Variants in SSR1 observed in about 807,000 individuals in gnomAD.
The protein encoded by SSR1 is signal sequence receptor subunit 1.
In SSR1, 13 loss-of-function variants were observed where a neutral mutation model predicts 36.1. The ratio of observed to expected loss-of-function variants is 0.36; its 90% confidence interval spans 0.23 to 0.57. The LOEUF (loss-of-function observed/expected upper bound fraction) is 0.57, where lower values mean the gene tolerates loss of function less well. Ranked by LOEUF, SSR1 falls within the 20% of genes least tolerant of loss-of-function variation. The pLI, the probability that SSR1 is intolerant of heterozygous loss-of-function variation, is 0.81. For missense variants in SSR1, 291 were observed against 338.5 expected (o/e 0.86, Z 1.10); for synonymous variants, 113 against 118.9 (o/e 0.95, Z 0.32).
chr6:7,291,946 G>A (rs1271187921), intron 7 of SSR1, among the ~76,000 whole-genome samples: 1 of 152,084 alleles, frequency 6.6e-6, no homozygotes, highest in African/African-American at 2.4e-5. Flanking sequence ...GGTGGTGTGC[G>A]TCTGTAGTCC....
In SSR1 at chr6:7,313,140, C is replaced by A; in HGVS notation, c.-20G>T. 1 of 1,594,924 alleles carries A rather than the reference C, an allele frequency of 6.3e-7. No homozygotes were observed. The highest frequency in any genetic ancestry group is 1.1e-5 in the South Asian group (1 of 88,806). On this transcript the variant is annotated 5_prime_UTR_variant, in exon 1 of 8. Coordinates refer to ENST00000244763, the MANE Select transcript of SSR1 (RefSeq NM_003144.5). Reference sequence around the variant, plus strand: ...TCTCATGGCGCTGCCGGTCCAGTGTCCAGTTTCCGTCGGCTAAGGCTCTCG... The same window carrying A: ...TCTCATGGCGCTGCCGGTCCAGTGTACAGTTTCCGTCGGCTAAGGCTCTCG...
intron 5 of SSR1, chr6:7,298,496 AG>A (rs893507118): frequency 4.7e-6 from 2 of 426,558 alleles, no homozygotes; most frequent in African/African-American, 2.0e-5. Flanking sequence ...TAGAAAATTT[AG>A]ATGAGAGGAA....
At chr6:7,304,921 A>AAG (rs1223487142) in intron 2 of SSR1, among the ~76,000 whole-genome samples, 2 of 152,322 alleles carry the variant, frequency 1.3e-5, no homozygotes, top group African/African-American at 4.8e-5. Flanking sequence ...TCATGCACTT[A>AAG]AGAGAGAGTG....
intron 6 of SSR1, 75 bp downstream of exon 6, chr6:7,297,848 G>A (rs779667414): frequency 4.1e-5 from 47 of 1,155,516 alleles, no homozygotes; most frequent in Non-Finnish European, 5.2e-5. Context: ...GTATGAGGCC[G>A]AAGAACTAGA....
chr6:7,294,198 T>C (rs1282936018), intron 7 of SSR1, among the ~76,000 whole-genome samples: 1 of 148,232 alleles, frequency 6.7e-6, no homozygotes, highest in Non-Finnish European at 1.5e-5. Flanking sequence ...CATATATATA[T>C]AAAATAATAT....
At chr6:7,306,389 C>T (rs1002680908) in intron 2 of SSR1, among the ~76,000 whole-genome samples, 1 of 151,842 alleles carries the variant, frequency 6.6e-6, no homozygotes, top group Non-Finnish European at 1.5e-5. Context: ...GTGATCCACC[C>T]GCCTCAGCCT....
At chr6:7,291,751 C>A (rs1457581542) in intron 7 of SSR1, among the ~76,000 whole-genome samples, 1 of 152,180 alleles carries the variant, frequency 6.6e-6, no homozygotes, top group Non-Finnish European at 1.5e-5. Context: ...TAGGATTTAA[C>A]AGCCATCTGT....
rs113711924 is a variant in SSR1 at position 7,301,521 on chromosome 6, C to T, written c.332G>A (p.Gly111Asp). The change falls in exon 4 of 8, where the codon GGT (glycine) becomes GAT (aspartate). Residue 111 changes from glycine (G) to aspartate (D), a missense_variant. Transcript: ENST00000244763. ...GGATTCAACAATAAAATCTTCTGTA[C>T]CCTTGTTGGTAAAGCCTACCAGGAA... ...VKFLVGFTNK[G>D]TEDFIVESLD... The T allele has an allele frequency of 9.4e-5, 152 of 1,613,936 alleles. No individual in the cohort carries two copies. The highest frequency in any genetic ancestry group is 1.6e-4 in the Middle Eastern group (1 of 6,062).
At chr6:7,309,848 T>A (rs1443855784) in intron 2 of SSR1, 69 bp downstream of exon 2, 2 of 1,255,912 alleles carry the variant, frequency 1.6e-6, no homozygotes, top group Non-Finnish European at 1.2e-6. Flanking sequence ...ATGTCTTTAT[T>A]AGCAGCATGA....
chr6:7,284,636 A>G lies in SSR1; in HGVS notation c.*5228T>C, dbSNP rs535759689. On this transcript the variant is annotated 3_prime_UTR_variant, in exon 8 of 8. Coordinates refer to ENST00000244763, the MANE Select transcript of SSR1 (RefSeq NM_003144.5). ...ACAACCTTAGGAGGCAGGAACCAAAAGCTGAAGCATCATACAACTTGCCTC... is the reference window on the plus strand; with the variant it reads ...ACAACCTTAGGAGGCAGGAACCAAAGGCTGAAGCATCATACAACTTGCCTC... The G allele has an allele frequency of 2.0e-5, 3 of 152,184 alleles. No homozygotes were observed. Among genetic ancestry groups the G allele is most frequent in the Non-Finnish European group, 2.9e-5 (2 of 68,002 alleles). 9.4% of individuals were successfully genotyped at this position (152,184 alleles called of 1,614,324 possible).
intron 4 of SSR1, among the ~76,000 whole-genome samples, chr6:7,301,014 G>A (rs899853266): frequency 4.6e-5 from 7 of 152,058 alleles, no homozygotes; most frequent in Non-Finnish European, 7.4e-5. Context: ...ATTAAGATCC[G>A]GCTCATAGCT....
chr6:7,297,064 T>TA lies in SSR1; in HGVS notation c.699+858dup, dbSNP rs903737887. On this transcript the variant is annotated intron_variant, in intron 6 of 7. Coordinates refer to ENST00000244763, the MANE Select transcript of SSR1 (RefSeq NM_003144.5). ...GGCGAAACCCTGTCTCTACAAAACA[T>TA]ACAAAAATTAGCTGGGTGTGGTGGC... The TA allele has an allele frequency of 2.8e-5, 8 of 289,868 alleles. 1 individual carries two copies. Among genetic ancestry groups the TA allele is most frequent in the African/African-American group, 1.6e-4 (7 of 42,724 alleles). The allele number at this position is 289,868 out of a possible 1,614,324, so 18.0% of individuals were successfully genotyped here.
chr6:7,306,345 A>T (rs1047979681), intron 2 of SSR1, among the ~76,000 whole-genome samples: 22 of 151,860 alleles, frequency 1.4e-4, no homozygotes, highest in Admixed American at 3.9e-4. Flanking sequence ...GGGTTTCACC[A>T]TGTTAGCCAG....
chr6:7,304,632 T>C (rs1758011115), intron 2 of SSR1, among the ~76,000 whole-genome samples: 1 of 152,252 alleles, frequency 6.6e-6, no homozygotes, highest in African/African-American at 2.4e-5. Flanking sequence ...ATGAATTTTA[T>C]GATACATAAA....
In SSR1 at chr6:7,286,779, C is replaced by T. The variant is rs115763162; in HGVS notation, c.*3085G>A. 0.081 allele frequency: 12,327 copies of T among 151,890 alleles called. 669 individuals carry two copies. The highest frequency in any genetic ancestry group is 0.15 in the Middle Eastern group (44 of 294). The allele number at this position is 151,890 out of a possible 1,614,324, so 9.4% of individuals were successfully genotyped here. On this transcript the variant is annotated 3_prime_UTR_variant, in exon 8 of 8. Transcript: ENST00000244763. The stretch of plus-strand genomic sequence containing the variant: ...TGCAAAAATTAGGCAGGTGCGGTGA[C>T]GGGCGCCTGTAATCCAAGCTACTCA...
rs1423276614 is a variant in SSR1 at position 7,286,944 on chromosome 6, A to T, written c.*2920T>A. 6.7e-6 allele frequency: 1 copy of T among 148,882 alleles called. No individual in the cohort carries two copies. Among genetic ancestry groups the T allele is most frequent in the Non-Finnish European group, 1.5e-5 (1 of 67,406 alleles). 9.2% of individuals were successfully genotyped at this position (148,882 alleles called of 1,614,324 possible). ...AAAAAAAAAAAAAAAAAAAAGTACT[A>T]TGGAAGTACTTAAGTACATCTGAAA... On this transcript the variant is annotated 3_prime_UTR_variant, in exon 8 of 8. Transcript: ENST00000244763.
At chr6:7,304,114 A>G (rs1397421916) in intron 2 of SSR1, among the ~76,000 whole-genome samples, 1 of 152,216 alleles carries the variant, frequency 6.6e-6, no homozygotes, top group African/African-American at 2.4e-5. Flanking sequence ...TGTGCCTACC[A>G]ATTCTTTGGG....
At chr6:7,294,181 T>C (rs1258375715) in intron 7 of SSR1, among the ~76,000 whole-genome samples, 1 of 151,858 alleles carries the variant, frequency 6.6e-6, no homozygotes, top group East Asian at 1.9e-4. Flanking sequence ...TAATCTATCA[T>C]GACATACATA....
At chr6:7,308,125 A>C (rs1328614648) in intron 2 of SSR1, among the ~76,000 whole-genome samples, 1 of 152,244 alleles carries the variant, frequency 6.6e-6, no homozygotes, top group Non-Finnish European at 1.5e-5. Flanking sequence ...TGGAGTCTTA[A>C]CATAAACCCT....
Sources: gnomAD v4.1 joint callset for allele counts (sites outside exome capture counted in the v4.1 genomes callset) on GRCh38, gnomAD v4.1.1 for gene constraint, MANE v1.5 for transcripts, NCBI Gene and HGNC (gene_info 2026-07-23, HGNC 2026-07-21) for gene names.